SGCZ: variants seen among roughly 807,000 people sequenced by gnomAD.
The protein encoded by SGCZ is zeta-sarcoglycan.
Under a neutral mutation model 41.3 loss-of-function variants are expected in SGCZ, and 40 were observed. The ratio of observed to expected loss-of-function variants is 0.97; its 90% confidence interval spans 0.75 to 1.26. The LOEUF (loss-of-function observed/expected upper bound fraction) is 1.26, where lower values mean the gene tolerates loss of function less well. SGCZ is among the 50% of genes most tolerant of loss of function. SGCZ has a pLI of 0.00. For missense variants in SGCZ, 552 were observed against 369.8 expected (o/e 1.49, Z -4.04); for synonymous variants, 206 against 137.5 (o/e 1.50, Z -3.49).
intron 1 of SGCZ, among the ~76,000 whole-genome samples, chr8:14,668,240 G>A (rs1032368408): frequency 4.6e-5 from 7 of 152,062 alleles, no homozygotes; most frequent in Non-Finnish European, 7.4e-5. Flanking sequence ...GATTACAGGC[G>A]TGAGCCACCG....
chr8:15,036,874 C>A (rs1053524361), intron 1 of SGCZ, among the ~76,000 whole-genome samples: 2 of 151,992 alleles, frequency 1.3e-5, no homozygotes, highest in Non-Finnish European at 2.9e-5. Flanking sequence ...TTCATCAGCA[C>A]ATTAAAAATA....
At chr8:15,094,410 C>T (rs1371944515) in intron 1 of SGCZ, among the ~76,000 whole-genome samples, 1 of 152,146 alleles carries the variant, frequency 6.6e-6, no homozygotes, top group African/African-American at 2.4e-5. Context: ...GCTGGAGTTA[C>T]AGGCATGAGC....
At chr8:14,448,247 C>A (rs934940913) in intron 2 of SGCZ, among the ~76,000 whole-genome samples, 5 of 152,128 alleles carry the variant, frequency 3.3e-5, no homozygotes, top group Non-Finnish European at 5.9e-5. Flanking sequence ...TTGTACGTGG[C>A]CACTGGTACC....
intron 5 of SGCZ, among the ~76,000 whole-genome samples, chr8:14,119,968 A>AT (rs1048680418): frequency 1.3e-5 from 2 of 151,950 alleles, no homozygotes; most frequent in African/African-American, 4.8e-5. Flanking sequence ...GTTTGGTAGT[A>AT]TTTTTTTGAG....
Position 14,088,331 on chromosome 8 carries a change from A to G in SGCZ, c.*2112T>C, listed in dbSNP as rs1393334410. On this transcript the variant is annotated 3_prime_UTR_variant, in exon 8 of 8. Transcript: ENST00000382080. ...GACAGCTGAGATTAGAAACAGGGCCAGTTCCTAATCAAAAGAATTATTCCC... is the reference window on the plus strand; with the variant it reads ...GACAGCTGAGATTAGAAACAGGGCCGGTTCCTAATCAAAAGAATTATTCCC... Among the ~76,000 whole-genome samples, 1 of 151,866 alleles carries G rather than the reference A, an allele frequency of 6.6e-6. No homozygotes were observed.
At chr8:15,187,945 G>T (rs1417433780) in intron 1 of SGCZ, among the ~76,000 whole-genome samples, 1 of 151,926 alleles carries the variant, frequency 6.6e-6, no homozygotes, top group Non-Finnish European at 1.5e-5. Context: ...GTTGCTGTGG[G>T]TGAGTAGGGG....
At chr8:14,432,602 A>T (rs974940832) in intron 2 of SGCZ, among the ~76,000 whole-genome samples, 12 of 152,240 alleles carry the variant, frequency 7.9e-5, no homozygotes, top group African/African-American at 2.6e-4. Flanking sequence ...GGTGCACCAA[A>T]ATCTCACAAA....
chr8:14,240,854 C>A (rs762578227), intron 3 of SGCZ, among the ~76,000 whole-genome samples: 9 of 152,128 alleles, frequency 5.9e-5, no homozygotes, highest in Admixed American at 1.3e-4. Context: ...TACACACTAT[C>A]CACTCAGTAC....
chr8:14,102,031 C>CAAGTAGCTGGGACTACAGGT (rs1185318486), intron 7 of SGCZ, among the ~76,000 whole-genome samples: 2 of 150,216 alleles, frequency 1.3e-5, no homozygotes, highest in African/African-American at 4.9e-5. Flanking sequence ...CTCAGCCTCC[C>CAAGTAGCTGGGACTACAGGT]AAGTAGCTGG....
chr8:15,064,899 G>C (rs117194832), intron 1 of SGCZ, among the ~76,000 whole-genome samples: 5,895 of 152,172 alleles, frequency 0.039, 145 homozygotes, highest in Non-Finnish European at 0.057. Context: ...TGGCTCTTTG[G>C]TGCCAATTTT....
At chr8:14,714,945 G>C (rs1456722682) in intron 1 of SGCZ, among the ~76,000 whole-genome samples, 1 of 152,106 alleles carries the variant, frequency 6.6e-6, no homozygotes, top group Non-Finnish European at 1.5e-5. Flanking sequence ...AGACAGATAA[G>C]TTGCAAATTT....
chr8:15,105,721 G>A (rs773645489), intron 1 of SGCZ, among the ~76,000 whole-genome samples: 3 of 152,138 alleles, frequency 2.0e-5, no homozygotes, highest in Non-Finnish European at 4.4e-5. Flanking sequence ...AAATTCACCA[G>A]TGTTTAATCA....
At chr8:14,393,182 A>T (rs777770982) in intron 2 of SGCZ, among the ~76,000 whole-genome samples, 1 of 152,174 alleles carries the variant, frequency 6.6e-6, no homozygotes, top group Non-Finnish European at 1.5e-5. Context: ...TTGATATAAG[A>T]GTTAAGAAGA....
chr8:14,685,072 T>C (rs1473984186), intron 1 of SGCZ, among the ~76,000 whole-genome samples: 1 of 145,944 alleles, frequency 6.9e-6, no homozygotes, highest in East Asian at 2.0e-4. Flanking sequence ...CTCTTGACTG[T>C]ACCATGAGAT....
At chr8:14,830,105 C>A (rs535716357) in intron 1 of SGCZ, among the ~76,000 whole-genome samples, 14 of 152,242 alleles carry the variant, frequency 9.2e-5, no homozygotes, top group African/African-American at 3.4e-4. Flanking sequence ...CCACCGCACC[C>A]GGCCTTATGT....
chr8:15,175,733 TA>T (rs898847955), intron 1 of SGCZ, among the ~76,000 whole-genome samples: 48 of 151,982 alleles, frequency 3.2e-4, no homozygotes, highest in African/African-American at 1.1e-3. Context: ...CTGGAACTTC[TA>T]AAAAAAATTT....
intron 2 of SGCZ, among the ~76,000 whole-genome samples, chr8:14,487,119 T>C (rs1299396160): frequency 6.6e-6 from 1 of 152,202 alleles, no homozygotes; most frequent in Admixed American, 6.5e-5. Context: ...AATGGAATCA[T>C]TTGCCTTTAA....
At chr8:15,008,746 A>G (rs187262510) in intron 1 of SGCZ, among the ~76,000 whole-genome samples, 755 of 33,204 alleles carry the variant, frequency 0.023, 20 homozygotes, top group East Asian at 0.1. Flanking sequence ...AGGGAGGGGA[A>G]GAGGGGGGAG....
chr8:14,892,740 A>G (rs1805060423), intron 1 of SGCZ, among the ~76,000 whole-genome samples: 2 of 152,230 alleles, frequency 1.3e-5, no homozygotes, highest in South Asian at 4.1e-4. Flanking sequence ...ATTAGGAAAC[A>G]TGGTCATCAC....
Sources: allele counts gnomAD v4.1 joint callset (sites outside exome capture counted in the v4.1 genomes callset), GRCh38; gene constraint gnomAD v4.1.1; transcripts MANE v1.5; gene names NCBI Gene and HGNC (gene_info 2026-07-23, HGNC 2026-07-21).